The following TENM3 variants were observed in gnomAD, a reference collection of about 807,000 sequenced individuals.
The protein encoded by TENM3 is teneurin transmembrane protein 3.
TENM3 carries 63 observed loss-of-function variants against 255.1 expected under a neutral mutation model. That is an observed-to-expected ratio of 0.25 (90% CI 0.20 to 0.30). TENM3 has a LOEUF of 0.30. TENM3 is among the 10% of genes least tolerant of loss of function. TENM3 has a pLI of 1.00. For missense variants in TENM3, 2,929 were observed against 3,461.1 expected (o/e 0.85, Z 3.86); for synonymous variants, 1,306 against 1,322.3 (o/e 0.99, Z 0.27).
At chr4:181,469,523 A>T in the TENM3 span, among the ~76,000 whole-genome samples, 1 of 152,276 alleles carries the variant, frequency 6.6e-6, no homozygotes, top group Non-Finnish European at 1.5e-5. Context: ...TATTTTTTCT[A>T]AGAAATTGGG....
chr4:181,998,169 G>T, the TENM3 span, among the ~76,000 whole-genome samples: 4 of 152,064 alleles, frequency 2.6e-5, no homozygotes, highest in African/African-American at 7.2e-5. Context: ...CCAAATTTAT[G>T]ACCCTTTTTA....
chr4:182,658,187 C>T (rs1326682894), intron 6 of TENM3, among the ~76,000 whole-genome samples: 1 of 152,192 alleles, frequency 6.6e-6, no homozygotes, highest in Admixed American at 6.5e-5. Flanking sequence ...TTTTTGGAAC[C>T]ATTTAATAGT....
the TENM3 span, among the ~76,000 whole-genome samples, chr4:181,992,174 A>G: frequency 3.7e-4 from 57 of 152,282 alleles, no homozygotes; most frequent in African/African-American, 1.4e-3. Context: ...CGGAAATAAC[A>G]GGCTAGAATT....
chr4:181,943,219 T>A, the TENM3 span, among the ~76,000 whole-genome samples: 15 of 152,142 alleles, frequency 9.9e-5, no homozygotes, highest in African/African-American at 3.4e-4. Flanking sequence ...AGAAGATTTA[T>A]AGATTAATGT....
the TENM3 span, among the ~76,000 whole-genome samples, chr4:181,487,980 C>T: frequency 6.6e-6 from 1 of 152,192 alleles, no homozygotes; most frequent in Admixed American, 6.5e-5. Context: ...TGAAAAATGT[C>T]TAGTTCCAAC....
chr4:182,770,235 C>T (rs749242439), intron 22 of TENM3, among the ~76,000 whole-genome samples: 15 of 152,074 alleles, frequency 9.9e-5, no homozygotes, highest in Non-Finnish European at 2.1e-4. Flanking sequence ...TTTAAAAACC[C>T]TGTGTTGATC....
the TENM3 span, among the ~76,000 whole-genome samples, chr4:181,788,083 A>T: frequency 6.6e-6 from 1 of 152,246 alleles, no homozygotes; most frequent in South Asian, 2.1e-4. Flanking sequence ...GGCCATGGTC[A>T]CTCATCATAT....
At chr4:181,863,033 G>C in the TENM3 span, among the ~76,000 whole-genome samples, 1 of 152,166 alleles carries the variant, frequency 6.6e-6, no homozygotes, top group East Asian at 1.9e-4. Context: ...AATACTTTTG[G>C]GGTGTTTTTA....
chr4:182,451,009 T>C (rs1037552312), intron 3 of TENM3, among the ~76,000 whole-genome samples: 1 of 152,168 alleles, frequency 6.6e-6, no homozygotes, highest in Non-Finnish European at 1.5e-5. Flanking sequence ...ATTTCCAGAG[T>C]ATGACATGGC....
At chr4:182,633,876 T>A in intron 5 of TENM3, among the ~76,000 whole-genome samples, 1 of 152,218 alleles carries the variant, frequency 6.6e-6, no homozygotes, top group East Asian at 1.9e-4. Context: ...TTTATGCTTT[T>A]GAAAGATTGT....
the TENM3 span, among the ~76,000 whole-genome samples, chr4:181,794,666 CTGTGTGTGTG>C: frequency 2.8e-5 from 4 of 142,898 alleles, no homozygotes; most frequent in South Asian, 2.4e-4. Flanking sequence ...AATAATATCC[CTGTGTGTGTG>C]TGTGTGTGTG....
chr4:182,728,019 C>G (rs1003618831), intron 13 of TENM3, among the ~76,000 whole-genome samples: 6 of 151,920 alleles, frequency 3.9e-5, no homozygotes, highest in Non-Finnish European at 5.9e-5. Context: ...TGTCACCCCG[C>G]CTGGCTAATT....
At chr4:182,070,335 T>A in the TENM3 span, among the ~76,000 whole-genome samples, 40 of 152,332 alleles carry the variant, frequency 2.6e-4, no homozygotes, top group African/African-American at 9.6e-4. Flanking sequence ...AATACACATA[T>A]AGGCTGGGTG....
At chr4:182,641,653 G>A (rs112892034) in intron 5 of TENM3, among the ~76,000 whole-genome samples, 3,272 of 151,660 alleles carry the variant, frequency 0.022, 130 homozygotes, top group African/African-American at 0.075. Flanking sequence ...TCAGCCTCCC[G>A]AGTAGCTGGG....
chr4:182,560,879 A>G (rs956558263), intron 3 of TENM3, among the ~76,000 whole-genome samples: 2 of 152,214 alleles, frequency 1.3e-5, no homozygotes, highest in East Asian at 3.9e-4. Flanking sequence ...GAGAAGACAA[A>G]TGTTTTAGAG....
chr4:181,980,567 AC>A, the TENM3 span, among the ~76,000 whole-genome samples: 1 of 152,220 alleles, frequency 6.6e-6, no homozygotes, highest in Non-Finnish European at 1.5e-5. Flanking sequence ...GTGATATTGG[AC>A]CAATCAACTT....
the TENM3 span, among the ~76,000 whole-genome samples, chr4:181,621,214 C>G: frequency 6.6e-6 from 1 of 152,108 alleles, no homozygotes; most frequent in East Asian, 1.9e-4. Flanking sequence ...CTTAATGATT[C>G]TTTCATAATC....
chr4:182,706,560 G>A (rs1758295687), intron 12 of TENM3, among the ~76,000 whole-genome samples: 1 of 152,114 alleles, frequency 6.6e-6, no homozygotes, highest in South Asian at 2.1e-4. Flanking sequence ...ATTACTTATA[G>A]AATTTCTTCA....
At chr4:181,612,959 A>G in the TENM3 span, among the ~76,000 whole-genome samples, 25 of 152,180 alleles carry the variant, frequency 1.6e-4, no homozygotes, top group African/African-American at 5.8e-4. Context: ...ACAGCCATCT[A>G]TTTGTAGTAC....
Sources: gnomAD v4.1 joint callset for allele counts (sites outside exome capture counted in the v4.1 genomes callset) on GRCh38, gnomAD v4.1.1 for gene constraint, MANE v1.5 for transcripts, NCBI Gene and HGNC (gene_info 2026-07-23, HGNC 2026-07-21) for gene names.